Variants in RAD51B observed in about 807,000 individuals in gnomAD.
RAD51B encodes RAD51 paralog B.
Under a neutral mutation model 42.2 loss-of-function variants are expected in RAD51B, and 38 were observed. The observed-to-expected ratio is 0.90, with a 90% CI of 0.70 to 1.18. RAD51B has a LOEUF of 1.18. Among genes scored for constraint, RAD51B ranks in the 50% most tolerant of loss-of-function variants. RAD51B has a pLI of 0.00. For missense variants in RAD51B, 373 were observed against 400.7 expected (o/e 0.93, Z 0.59); for synonymous variants, 154 against 145.2 (o/e 1.06, Z -0.43).
At chr14:68,234,108 G>A (rs2080199605) in intron 7 of RAD51B, among the ~76,000 whole-genome samples, 1 of 152,184 alleles carries the variant, frequency 6.6e-6, no homozygotes, top group African/African-American at 2.4e-5. Context: ...GGACAGATTT[G>A]AGATGCATAT....
At chr14:68,123,162 G>C (rs1181610374) in intron 7 of RAD51B, among the ~76,000 whole-genome samples, 4 of 149,870 alleles carry the variant, frequency 2.7e-5, no homozygotes, top group Non-Finnish European at 5.9e-5. Flanking sequence ...TGTCAGGAAT[G>C]ATCTTTTCTT....
chr14:67,844,226 T>C (rs576102662), intron 4 of RAD51B, among the ~76,000 whole-genome samples: 1 of 152,212 alleles, frequency 6.6e-6, no homozygotes, highest in Admixed American at 6.5e-5. Flanking sequence ...ATTGGTATGA[T>C]TGCAGTTTTT....
chr14:68,603,684 A>C (rs1209506067), intron 10 of RAD51B, among the ~76,000 whole-genome samples: 1 of 152,198 alleles, frequency 6.6e-6, no homozygotes, highest in Non-Finnish European at 1.5e-5. Context: ...TTGAAGTGTC[A>C]GGTAACATGG....
At chr14:68,562,116 C>A (rs991725347) in intron 10 of RAD51B, 1 of 985,334 alleles carries the variant, frequency 1.0e-6, no homozygotes, top group Non-Finnish European at 1.2e-6. Context: ...CCTTTTTCTC[C>A]CTGTGAAAGC....
chr14:67,882,180 C>T (rs561305808), intron 5 of RAD51B, among the ~76,000 whole-genome samples: 67 of 152,226 alleles, frequency 4.4e-4, no homozygotes, highest in Middle Eastern at 6.8e-3. Context: ...GGTATGTTGC[C>T]CTGGTTGGTC....
chr14:68,011,171 A>G (rs1229232769), intron 7 of RAD51B, among the ~76,000 whole-genome samples: 5 of 152,056 alleles, frequency 3.3e-5, no homozygotes, highest in African/African-American at 1.2e-4. Flanking sequence ...TCCCATTTCT[A>G]TCAACATAGT....
At chr14:67,921,913 C>T (rs1056121333) in intron 7 of RAD51B, among the ~76,000 whole-genome samples, 2 of 152,122 alleles carry the variant, frequency 1.3e-5, no homozygotes, top group African/African-American at 2.4e-5. Flanking sequence ...GTGTGCTCTG[C>T]GATGGGATGG....
intron 7 of RAD51B, among the ~76,000 whole-genome samples, chr14:68,045,253 A>AAG (rs1166267334): frequency 4.0e-5 from 6 of 150,928 alleles, no homozygotes; most frequent in African/African-American, 1.2e-4. Flanking sequence ...AAAAAAAAAA[A>AAG]AAAAAAAAAA....
At chr14:67,827,578 C>A (rs558476276) in intron 3 of RAD51B, among the ~76,000 whole-genome samples, 8 of 151,974 alleles carry the variant, frequency 5.3e-5, no homozygotes, top group Non-Finnish European at 1.2e-4. Flanking sequence ...CATCCTATCA[C>A]CTAGGTATTA....
chr14:68,635,457 C>T (rs1892322903), intron 10 of RAD51B, among the ~76,000 whole-genome samples: 1 of 152,090 alleles, frequency 6.6e-6, no homozygotes, highest in Non-Finnish European at 1.5e-5. Context: ...ATGCAAGCTA[C>T]ACGTGTCATT....
chr14:68,515,536 C>T (rs557691344), intron 10 of RAD51B, among the ~76,000 whole-genome samples: 14 of 149,292 alleles, frequency 9.4e-5, no homozygotes, highest in Non-Finnish European at 1.3e-4. Flanking sequence ...GTAGCCTCAA[C>T]CTCCTGGGAT....
At chr14:68,014,267 T>C (rs17104863) in intron 7 of RAD51B, among the ~76,000 whole-genome samples, 8,990 of 151,518 alleles carry the variant, frequency 0.059, 631 homozygotes, top group African/African-American at 0.17. Context: ...TTGTTGGACA[T>C]GCAAGCCCTG....
At chr14:68,252,307 C>T (rs2080651022) in intron 7 of RAD51B, among the ~76,000 whole-genome samples, 1 of 152,158 alleles carries the variant, frequency 6.6e-6, no homozygotes, top group Admixed American at 6.5e-5. Flanking sequence ...ATCCCAACCT[C>T]TTCAGAAATT....
At chr14:68,444,727 G>A (rs2085382594) in intron 9 of RAD51B, among the ~76,000 whole-genome samples, 1 of 152,244 alleles carries the variant, frequency 6.6e-6, no homozygotes, top group Non-Finnish European at 1.5e-5. Context: ...ACACAGGACA[G>A]TAGAACTGTT....
chr14:68,427,865 A>G (rs1267190304), intron 9 of RAD51B, among the ~76,000 whole-genome samples: 1 of 152,208 alleles, frequency 6.6e-6, no homozygotes, highest in Non-Finnish European at 1.5e-5. Flanking sequence ...CCCAAAAAAT[A>G]CATGTGTTGG....
At chr14:68,664,986 T>G (rs181248133) in intron 11 of RAD51B, among the ~76,000 whole-genome samples, 73 of 152,382 alleles carry the variant, frequency 4.8e-4, no homozygotes, top group Admixed American at 4.2e-3. Context: ...ATGTTCCTTC[T>G]GTCCTTTCAG....
intron 4 of RAD51B, among the ~76,000 whole-genome samples, chr14:67,847,767 T>G (rs1265689594): frequency 6.6e-6 from 1 of 152,232 alleles, no homozygotes; most frequent in Non-Finnish European, 1.5e-5. Flanking sequence ...GGTTGGTGTG[T>G]GGATCGTTCT....
chr14:68,408,948 T>A (rs1269488911), intron 8 of RAD51B, among the ~76,000 whole-genome samples: 1 of 152,000 alleles, frequency 6.6e-6, no homozygotes, highest in Non-Finnish European at 1.5e-5. Flanking sequence ...TAATTGAAAG[T>A]CAGTTACTAA....
intron 8 of RAD51B, among the ~76,000 whole-genome samples, chr14:68,394,333 T>C (rs896419545): frequency 3.9e-5 from 6 of 152,198 alleles, no homozygotes; most frequent in Admixed American, 6.5e-5. Flanking sequence ...GTTCCTGTAT[T>C]AGTGCTGCCC....
Sources: allele counts gnomAD v4.1 joint callset (sites outside exome capture counted in the v4.1 genomes callset), GRCh38; gene constraint gnomAD v4.1.1; transcripts MANE v1.5; gene names NCBI Gene and HGNC (gene_info 2026-07-23, HGNC 2026-07-21).